PARD6G: variants seen among roughly 807,000 people sequenced by gnomAD.
PARD6G encodes the protein par-6 family cell polarity regulator gamma, also known as partitioning defective 6 homolog gamma.
In PARD6G, 7 loss-of-function variants were observed where a neutral mutation model predicts 10.7. The ratio of observed to expected loss-of-function variants is 0.66; its 90% CI spans 0.37 to 1.23. PARD6G has a LOEUF of 1.23. Among genes scored for constraint, PARD6G ranks in the 50% most tolerant of loss-of-function variants. PARD6G has a pLI of 0.02. For missense variants in PARD6G, 548 were observed against 571.8 expected, an observed-to-expected ratio of 0.96 and a Z score of 0.42; for synonymous variants, 287 against 269.4, an observed-to-expected ratio of 1.07 and a Z score of -0.64.
rs1445154356 is a variant in PARD6G, at chr18:80,157,621, C to T, written c.*2150G>A. On this transcript the variant is annotated 3_prime_UTR_variant, in exon 3 of 3. Transcript: ENST00000353265. The stretch of plus-strand genomic sequence containing the variant: ...TTAGTTCCACAAAAACTGCTTCTGA[C>T]TGCTGGGGCACTGAACGACATGCCC... The T allele has an allele frequency of 6.6e-6, 1 of 152,212 alleles. No homozygotes were observed. The highest frequency in any genetic ancestry group is 2.4e-5 in the African/African-American group (1 of 41,446). 9.4% of individuals were successfully genotyped at this position (152,212 alleles called of 1,614,324 possible). A position where few individuals can be genotyped will look rare whatever the true frequency, so the allele number is the denominator to read the frequency against.
Position 80,202,861 on chromosome 18 carries a change from C to G in PARD6G, c.144G>C (p.Leu48=), listed in dbSNP as rs762833450. The G allele has an allele frequency of 6.2e-7, 1 of 1,609,956 alleles. No individual in the cohort carries two copies. The highest frequency in any genetic ancestry group is 8.5e-7 in the Non-Finnish European group (1 of 1,179,278). The part of the protein sequence containing the change: ...KPGKFEDFYK[L]VVHTHHISNS... The stretch of plus-strand genomic sequence containing the variant: ...TGGAGATATGGTGGGTGTGCACAAC[C>G]AGCTTGTAGAAATCTTCAAACTTCC... The change falls in exon 2 of 3, where the codon CTG becomes CTC. Residue 48 remains leucine, a synonymous_variant. Transcript: ENST00000353265.
At chr18:80,234,864 C>T (rs1165920528) in intron 1 of PARD6G, among the ~76,000 whole-genome samples, 3 of 152,120 alleles carry the variant, frequency 2.0e-5, no homozygotes, top group Non-Finnish European at 2.9e-5. Context: ...AAAGCAAGTC[C>T]TTAGAGACCT....
chr18:80,201,599 A>C lies in PARD6G; in HGVS notation c.295+1111T>G, dbSNP rs1207222965. Among the ~76,000 whole-genome samples, 5 of 152,232 alleles carry C rather than the reference A, an allele frequency of 3.3e-5. No individual in the cohort carries two copies. Among genetic ancestry groups the C allele is most frequent in the African/African-American group, 1.2e-4 (5 of 41,466 alleles). On this transcript the variant is annotated intron_variant, in intron 2 of 2. Coordinates refer to ENST00000353265, the MANE Select transcript of PARD6G (RefSeq NM_032510.4). This position sits in a 1 kb window ranked among gnomAD's most constrained non-coding sequence, Gnocchi z 5.9. The stretch of plus-strand genomic sequence containing the variant: ...GCAGAGTGTTCTGATCTTGTGCCAG[A>C]GAATCTGTCTGAAGTGAGGTCAACG...
chr18:80,224,611 G>T (rs572726832), intron 1 of PARD6G, among the ~76,000 whole-genome samples: 1 of 152,352 alleles, frequency 6.6e-6, no homozygotes, highest in Admixed American at 6.5e-5. Flanking sequence ...ACTTTGAGAG[G>T]CCGAGGCGGG....
chr18:80,195,558 TA>T (rs1966945244), intron 2 of PARD6G, among the ~76,000 whole-genome samples: 1 of 104,528 alleles, frequency 9.6e-6, no homozygotes, highest in South Asian at 2.9e-4. Flanking sequence ...CATATATATA[TA>T]TATATATATA....
At position 80,213,219 on chromosome 18, in the gene PARD6G, C is replaced by T. The variant is rs186046184; in HGVS notation, c.73-10287G>A. 3.9e-5 allele frequency among the ~76,000 whole-genome samples: 6 copies of T among 152,028 alleles called. 1 individual carries two copies. Among genetic ancestry groups the T allele is most frequent in the African/African-American group, 7.2e-5 (3 of 41,466 alleles). ...TCTATTTTACCACAATTTTTAAAAACGAAAAAAAGAAATCCTGGGGAGTGA... is the reference window on the plus strand; with the variant it reads ...TCTATTTTACCACAATTTTTAAAAATGAAAAAAAGAAATCCTGGGGAGTGA... On this transcript the variant is annotated intron_variant, in intron 1 of 2. Transcript: ENST00000353265.
rs535523373 is a variant in PARD6G, at chr18:80,207,935, A to G, written c.73-5003T>C. 4.6e-5 allele frequency among the ~76,000 whole-genome samples: 7 copies of G among 152,360 alleles called. No individual in the cohort carries two copies. In the South Asian group the frequency reaches 1.4e-3, roughly 32 times the overall value. ...AATCAAAGAGAAAAAGAAACCATGT[A>G]TAATTTCTGATTAGAAAAGAGCTCT... On this transcript the variant is annotated intron_variant, in intron 1 of 2. Transcript: ENST00000353265.
chr18:80,241,065 G>C (rs930432317), intron 1 of PARD6G, among the ~76,000 whole-genome samples: 2 of 152,148 alleles, frequency 1.3e-5, no homozygotes, highest in African/African-American at 4.8e-5. Flanking sequence ...CTACAGTGAT[G>C]CAAGAAAAAT....
intron 1 of PARD6G, among the ~76,000 whole-genome samples, chr18:80,218,579 G>A (rs1265571738): frequency 6.6e-6 from 1 of 152,198 alleles, no homozygotes; most frequent in Non-Finnish European, 1.5e-5. Context: ...CTGGTATTGA[G>A]TGTCTGTGGC....
At position 80,202,828 on chromosome 18, in the gene PARD6G, A is replaced by G. The variant is rs150077186; in HGVS notation, c.177T>C (p.Asp59=). The change falls in exon 2 of 3, where the codon GAT becomes GAC. Residue 59 remains aspartate (D), a synonymous_variant. Transcript: ENST00000353265. ...GCACATCTGCATAGCCAATAGTTACATCACTGTTGGAGATATGGTGGGTGT... is the reference window on the plus strand; with the variant it reads ...GCACATCTGCATAGCCAATAGTTACGTCACTGTTGGAGATATGGTGGGTGT... The part of the protein sequence containing the change: ...VVHTHHISNS[D]VTIGYADVHG... The G allele has an allele frequency of 1.9e-4, 305 of 1,612,748 alleles. No individual in the cohort carries two copies. The highest frequency in any genetic ancestry group is 1.7e-3 in the East Asian group (78 of 44,772).
chr18:80,214,452 C>T (rs1306794527), intron 1 of PARD6G, among the ~76,000 whole-genome samples: 3 of 151,412 alleles, frequency 2.0e-5, no homozygotes, highest in Non-Finnish European at 4.4e-5. Flanking sequence ...GGAAACAGAG[C>T]GAGACTACAT....
chr18:80,235,674 TCGC>T (rs1967413597), intron 1 of PARD6G, among the ~76,000 whole-genome samples: 1 of 151,908 alleles, frequency 6.6e-6, no homozygotes, highest in Admixed American at 6.6e-5. Flanking sequence ...AAAGGGAATA[TCGC>T]CACCGATCCC....
In PARD6G at chr18:80,163,000, T is replaced by G. The variant is rs577131789; in HGVS notation, c.296-2394A>C. 3.3e-5 allele frequency among the ~76,000 whole-genome samples: 5 copies of G among 152,274 alleles called. No individual in the cohort carries two copies. The South Asian group carries it at 1.0e-3, about 32-fold the overall frequency. On this transcript the variant is annotated intron_variant, in intron 2 of 2. Transcript: ENST00000353265. ...ATTGCTCATTCTAAGTGGGAGGGAC[T>G]GTGGATCCATGGGGCCGCAGATGGA... is the stretch of plus-strand genomic sequence containing the variant.
At chr18:80,224,315 A>G (rs959397927) in intron 1 of PARD6G, among the ~76,000 whole-genome samples, 3 of 152,214 alleles carry the variant, frequency 2.0e-5, no homozygotes, top group African/African-American at 7.2e-5. Flanking sequence ...CGTTTAAACA[A>G]ATCAGAGCAT....
Position 80,160,296 on chromosome 18 carries a change from G to T in PARD6G, c.606C>A (p.Gly202=). The T allele has an allele frequency of 6.2e-7, 1 of 1,612,352 alleles. No individual in the cohort carries two copies. The highest frequency in any genetic ancestry group is 8.5e-7 in the Non-Finnish European group (1 of 1,179,854). Residue 202 remains glycine (G), a synonymous_variant, in exon 3 of 3, where the codon GGC becomes GGA. Transcript: ENST00000353265. ...CCAGCAGCCCGGTGCTCTCCGCCAGGCCCCCGGGTACCATGCGCGAGATGA... is the reference window on the plus strand; with the variant it reads ...CCAGCAGCCCGGTGCTCTCCGCCAGTCCCCCGGGTACCATGCGCGAGATGA... ...GIFISRMVPG[G]LAESTGLLAV...
At chr18:80,237,156 T>C (rs1484031713) in intron 1 of PARD6G, among the ~76,000 whole-genome samples, 2 of 152,062 alleles carry the variant, frequency 1.3e-5, no homozygotes, top group African/African-American at 4.8e-5. Flanking sequence ...AAAAGAGATA[T>C]AGACCAATGG....
At position 80,189,179 on chromosome 18, in the gene PARD6G, C is replaced by T. The variant is rs2052894844; in HGVS notation, c.295+13531G>A. The T allele has an allele frequency of 6.6e-6, 1 of 152,256 alleles. No individual in the cohort carries two copies. The highest frequency in any genetic ancestry group is 2.4e-5 in the African/African-American group (1 of 41,450). 9.4% of individuals were successfully genotyped at this position (152,256 alleles called of 1,614,324 possible). ...CAGAAATAACCGTTGGCAGAAAAGC[C>T]CATATTTAGAGCAGACCTCCTTCAG... On this transcript the variant is annotated intron_variant, in intron 2 of 2. Transcript: ENST00000353265. This position sits in a 1 kb window ranked among gnomAD's most constrained non-coding sequence, Gnocchi z 5.5.
chr18:80,223,993 G>A (rs1404626897), intron 1 of PARD6G, among the ~76,000 whole-genome samples: 1 of 152,100 alleles, frequency 6.6e-6, no homozygotes, highest in African/African-American at 2.4e-5. Context: ...GTGTTGGCTG[G>A]GTAAGGAGGA....
Position 80,202,930 on chromosome 18 carries a change from A to C in PARD6G, c.75T>G (p.Phe25Leu). ...DCSAVEVKSK[F>L]GAEFRRFSLD... ...GAGAGAACCTTCGGAATTCCGCCCC[A>C]AACTACAATGCAAGAGACGGGGTGG... The change falls in exon 2 of 3, where the codon TTT becomes TTG. Residue 25 changes from phenylalanine to leucine, a missense_variant and splice_region_variant. This residue lies in a region of PARD6G where 235 missense variants were observed against 291.9 expected (regional missense o/e 0.81). Transcript: ENST00000353265. 1.8e-6 allele frequency: 2 copies of C among 1,116,396 alleles called. No homozygotes were observed. The highest frequency in any genetic ancestry group is 2.5e-6 in the Non-Finnish European group (2 of 810,902). The allele number at this position is 1,116,396 out of a possible 1,614,324, so 69.2% of individuals were successfully genotyped here. A position where few individuals can be genotyped will look rare whatever the true frequency, so the allele number is the denominator to read the frequency against.
Sources: allele counts gnomAD v4.1 joint callset (sites outside exome capture counted in the v4.1 genomes callset), GRCh38; gene constraint gnomAD v4.1.1; regional missense constraint gnomAD v4.1.1; non-coding constraint Gnocchi (gnomAD v3.1); transcripts MANE v1.5; gene names NCBI Gene and HGNC (gene_info 2026-07-23, HGNC 2026-07-21).